PRKD1: variants seen among roughly 807,000 people sequenced by gnomAD.
The protein encoded by PRKD1 is protein kinase D1.
In PRKD1, 63 loss-of-function variants were observed where a neutral mutation model predicts 95.9. The ratio of observed to expected loss-of-function variants is 0.66; its 90% CI spans 0.54 to 0.81. PRKD1 has a LOEUF of 0.81. PRKD1 is among the 30% of genes least tolerant of loss of function. PRKD1 has a pLI of 0.00. For missense variants in PRKD1, 1,048 were observed against 1,165.3 expected, an observed-to-expected ratio of 0.90 and a Z score of 1.47; for synonymous variants, 425 against 423.1, an observed-to-expected ratio of 1.00 and a Z score of -0.05.
intron 1 of PRKD1, among the ~76,000 whole-genome samples, chr14:29,893,506 G>A (rs74243235): frequency 3.3e-5 from 5 of 151,714 alleles, no homozygotes; most frequent in African/African-American, 9.7e-5. Flanking sequence ...CTTGTTAAAC[G>A]TATGGAATCT....
At chr14:29,680,089 T>C (rs916353083) in intron 2 of PRKD1, among the ~76,000 whole-genome samples, 1 of 152,210 alleles carries the variant, frequency 6.6e-6, no homozygotes, top group Non-Finnish European at 1.5e-5. Context: ...TGGAAGTCAC[T>C]GGTGGACAAC....
intron 1 of PRKD1, among the ~76,000 whole-genome samples, chr14:29,858,636 TTTC>T (rs1447871947): frequency 6.6e-6 from 1 of 152,170 alleles, no homozygotes; most frequent in Non-Finnish European, 1.5e-5. Flanking sequence ...GGATTTTTTT[TTTC>T]TTAATGGCAA....
intron 1 of PRKD1, among the ~76,000 whole-genome samples, chr14:29,765,727 A>G (rs1888227292): frequency 6.6e-6 from 1 of 152,228 alleles, no homozygotes; most frequent in Admixed American, 6.5e-5. Context: ...ACTATAAACA[A>G]CAATGTAAAT....
intron 2 of PRKD1, among the ~76,000 whole-genome samples, chr14:29,683,123 G>A (rs1303420087): frequency 6.6e-6 from 1 of 152,218 alleles, no homozygotes; most frequent in African/African-American, 2.4e-5. Flanking sequence ...GGACTGTAGA[G>A]AGGAAGGATT....
intron 13 of PRKD1, 130 bp from the exon 14 acceptor site, chr14:29,599,947 T>C: frequency 1.5e-6 from 1 of 666,036 alleles, no homozygotes; most frequent in Non-Finnish European, 2.3e-6. Flanking sequence ...TTAACACCTC[T>C]ACATTCCACA....
intron 2 of PRKD1, among the ~76,000 whole-genome samples, chr14:29,703,324 C>T (rs1355046946): frequency 6.6e-6 from 1 of 152,164 alleles, no homozygotes; most frequent in African/African-American, 2.4e-5. Context: ...TTGTACTAAG[C>T]CCTGCGCTGC....
intron 3 of PRKD1, among the ~76,000 whole-genome samples, chr14:29,665,617 G>T (rs1297443214): frequency 6.6e-6 from 1 of 152,030 alleles, no homozygotes; most frequent in Non-Finnish European, 1.5e-5. Context: ...TGCATATTGT[G>T]AATTGTATTC....
Position 29,592,175 on chromosome 14 carries a change from G to A in PRKD1, c.2434+5316C>T, listed in dbSNP as rs564741095. 5.9e-5 allele frequency among the ~76,000 whole-genome samples: 9 copies of A among 152,080 alleles called. No homozygotes were observed. The South Asian group carries it at 8.3e-4, about 14-fold the overall frequency. On this transcript the variant is annotated intron_variant, in intron 16 of 17. Coordinates refer to ENST00000331968, the MANE Select transcript of PRKD1 (RefSeq NM_002742.3). Reference sequence around the variant, plus strand: ...CCATGTCTAATTACTGATGGGTAGCGAGGGATATACTGGAGGATAACAAAT... The same window carrying A: ...CCATGTCTAATTACTGATGGGTAGCAAGGGATATACTGGAGGATAACAAAT...
intron 1 of PRKD1, among the ~76,000 whole-genome samples, chr14:29,762,195 T>C (rs1162788507): frequency 6.6e-6 from 1 of 152,158 alleles, no homozygotes; most frequent in Non-Finnish European, 1.5e-5. Flanking sequence ...TTTTATAGTA[T>C]AATCAGGACA....
intron 1 of PRKD1, among the ~76,000 whole-genome samples, chr14:29,920,660 T>G (rs2139138422): frequency 6.6e-6 from 1 of 151,906 alleles, no homozygotes; most frequent in South Asian, 2.1e-4. Context: ...CACTCTTCTT[T>G]AAAAGATTTA....
Position 29,811,982 on chromosome 14 carries a change from G to A in PRKD1, c.265-86308C>T, listed in dbSNP as rs537650892. ...TGAGATTAGCATCATACCTACACAAGGATGACATACAAATTTGTTATGTGT... is the reference window on the plus strand; with the variant it reads ...TGAGATTAGCATCATACCTACACAAAGATGACATACAAATTTGTTATGTGT... On this transcript the variant is annotated intron_variant, in intron 1 of 17. Transcript: ENST00000331968. 3 of 152,170 alleles carry A rather than the reference G, an allele frequency of 2.0e-5. No individual in the cohort carries two copies. The East Asian group carries it at 5.8e-4, about 29-fold the overall frequency. The allele number at this position is 152,170 out of a possible 1,614,324, so 9.4% of individuals were successfully genotyped here. A position where few individuals can be genotyped will look rare whatever the true frequency, so the allele number is the denominator to read the frequency against.
chr14:29,835,370 G>GT (rs1168811246), intron 1 of PRKD1, among the ~76,000 whole-genome samples: 1 of 152,038 alleles, frequency 6.6e-6, no homozygotes, highest in Non-Finnish European at 1.5e-5. Context: ...GTAAAAACTT[G>GT]TAAGTACATA....
chr14:29,897,558 A>AT (rs1445661712), intron 1 of PRKD1, among the ~76,000 whole-genome samples: 3 of 152,148 alleles, frequency 2.0e-5, no homozygotes, highest in Non-Finnish European at 4.4e-5. Context: ...TCTTTATGAA[A>AT]TTATTTGTGT....
rs45625833 is a variant in PRKD1 at position 29,608,804 on chromosome 14, T to C, written c.1906-8987A>G. 7.9e-3 allele frequency among the ~76,000 whole-genome samples: 1,199 copies of C among 152,326 alleles called. 5 individuals are homozygous for C. Among genetic ancestry groups the C allele is most frequent in the Middle Eastern group, 0.024 (7 of 294 alleles). On this transcript the variant is annotated intron_variant, in intron 13 of 17. Coordinates refer to ENST00000331968, the MANE Select transcript of PRKD1 (RefSeq NM_002742.3). Reference sequence around the variant, plus strand: ...ATCATTTGGTTATTGCCTATGAACATGTCCCCGTTTCATCTTCAGTTGGCA... The same window carrying C: ...ATCATTTGGTTATTGCCTATGAACACGTCCCCGTTTCATCTTCAGTTGGCA...
intron 1 of PRKD1, chr14:29,812,130 A>G (rs1306123578): frequency 6.6e-6 from 1 of 152,254 alleles, no homozygotes; most frequent in Non-Finnish European, 1.5e-5. Context: ...CTTAGCTATG[A>G]TACTAAACTA....
chr14:29,805,910 TA>T, intron 1 of PRKD1, among the ~76,000 whole-genome samples: 1 of 152,202 alleles, frequency 6.6e-6, no homozygotes, highest in African/African-American at 2.4e-5. Flanking sequence ...AAACTTAAGT[TA>T]TGGCAAGATA....
chr14:29,770,149 C>G (rs1594501351), intron 1 of PRKD1, among the ~76,000 whole-genome samples: 1 of 152,202 alleles, frequency 6.6e-6, no homozygotes, highest in African/African-American at 2.4e-5. Flanking sequence ...TGATTTTGGT[C>G]TCTCCAGTCT....
intron 2 of PRKD1, among the ~76,000 whole-genome samples, chr14:29,673,475 T>TA (rs1426787318): frequency 6.6e-6 from 1 of 152,214 alleles, no homozygotes; most frequent in Non-Finnish European, 1.5e-5. Flanking sequence ...GGGATATGCC[T>TA]ACCCCCACCT....
chr14:29,620,107 A>C (rs1166875108), intron 13 of PRKD1, among the ~76,000 whole-genome samples: 2 of 151,646 alleles, frequency 1.3e-5, no homozygotes, highest in African/African-American at 4.8e-5. Flanking sequence ...GTGCTGGGAA[A>C]ACTGGCTAGC....
Sources: allele counts gnomAD v4.1 joint callset (sites outside exome capture counted in the v4.1 genomes callset), GRCh38; gene constraint gnomAD v4.1.1; transcripts MANE v1.5; gene names NCBI Gene and HGNC (gene_info 2026-07-23, HGNC 2026-07-21).